The following NFATC2 variants were observed in gnomAD, a reference collection of about 807,000 sequenced individuals.
NFATC2 encodes nuclear factor of activated T-cells, cytoplasmic 2.
NFATC2 carries 22 observed loss-of-function variants against 87.3 expected under a neutral mutation model. The ratio of observed to expected loss-of-function variants is 0.25; its 90% CI spans 0.18 to 0.36. The LOEUF (loss-of-function observed/expected upper bound fraction) is 0.36, where lower values mean the gene tolerates loss of function less well. Among genes scored for constraint, NFATC2 ranks in the 10% least tolerant of loss-of-function variants. NFATC2 has a pLI of 1.00. For synonymous variants in NFATC2, 565 were observed against 542.2 expected, an observed-to-expected ratio of 1.04 and a Z score of -0.58; for missense variants, 1,149 against 1,259.1, an observed-to-expected ratio of 0.91 and a Z score of 1.32.
At chr20:51,497,720 G>T (rs566687759) in intron 3 of NFATC2, among the ~76,000 whole-genome samples, 2 of 152,190 alleles carry the variant, frequency 1.3e-5, no homozygotes, top group Admixed American at 6.5e-5. Flanking sequence ...GCCAGGGAGG[G>T]GGCGATTGAG....
rs750021940 is a variant in NFATC2, at chr20:51,523,281, G to C, written c.960C>G (p.Pro320=). The C allele has an allele frequency of 6.2e-7, 1 of 1,613,688 alleles. No homozygotes were observed. Among genetic ancestry groups the C allele is most frequent in the East Asian group, 2.2e-5 (1 of 44,860 alleles). Residue 320 remains proline, a synonymous_variant, in exon 2 of 11, where the codon CCC becomes CCG. Coordinates refer to ENST00000371564, the MANE Select transcript of NFATC2 (RefSeq NM_012340.5). The surrounding 1 kb of genome is among the most constrained non-coding windows in gnomAD (Gnocchi z 6.9). ...LATDSPCGIP[P]KMWKTSPDPS... ...GGTCAGGGCTGGTCTTCCACATCTT[G>C]GGGGGGATCCCACAAGGCGAGTCCG...
chr20:51,467,053 C>T (rs1290359478), intron 5 of NFATC2, among the ~76,000 whole-genome samples: 2 of 113,412 alleles, frequency 1.8e-5, no homozygotes, highest in Non-Finnish European at 3.4e-5. Context: ...GCCTGAGCAA[C>T]AAGAGCGAGA....
At chr20:51,495,276 C>G (rs961453758) in intron 3 of NFATC2, among the ~76,000 whole-genome samples, 1 of 152,132 alleles carries the variant, frequency 6.6e-6, no homozygotes, top group African/African-American at 2.4e-5. Flanking sequence ...TTTGTAGACA[C>G]GGGATTTCAC....
Position 51,524,202 on chromosome 20 carries a change from C to G in NFATC2, c.131-92G>C. On this transcript the variant is annotated intron_variant, in intron 1 of 10. Transcript: ENST00000371564. This position sits in a 1 kb window ranked among gnomAD's most constrained non-coding sequence, Gnocchi z 4.0. ...TCACAGGCTGGATTTCGTCTCACGT[C>G]GTTTATTTTTTTCAAATTCCCACCA... 1 of 1,218,680 alleles carries G rather than the reference C, an allele frequency of 8.2e-7. No individual in the cohort carries two copies. Among genetic ancestry groups the G allele is most frequent in the Non-Finnish European group, 1.1e-6 (1 of 934,802 alleles). 75.5% of individuals were successfully genotyped at this position (1,218,680 alleles called of 1,614,324 possible).
intron 6 of NFATC2, among the ~76,000 whole-genome samples, chr20:51,440,396 T>C (rs1049769430): frequency 1.3e-5 from 2 of 151,986 alleles, no homozygotes; most frequent in African/African-American, 2.4e-5. Flanking sequence ...AATCAGAAAA[T>C]AATAAACATT....
intron 5 of NFATC2, among the ~76,000 whole-genome samples, chr20:51,469,336 T>C (rs1202235853): frequency 6.6e-6 from 1 of 152,194 alleles, no homozygotes; most frequent in Non-Finnish European, 1.5e-5. Flanking sequence ...TATTTTTTAA[T>C]ACAACTCCCG....
intron 3 of NFATC2, among the ~76,000 whole-genome samples, chr20:51,477,199 G>A (rs948026985): frequency 2.0e-5 from 3 of 152,134 alleles, no homozygotes; most frequent in African/African-American, 4.8e-5. Context: ...AAAATAGTAA[G>A]GTAGAAGCCT....
At chr20:51,549,262 T>G (rs2076913557) in intron 1 of NFATC2, among the ~76,000 whole-genome samples, 1 of 151,390 alleles carries the variant, frequency 6.6e-6, no homozygotes, top group Non-Finnish European at 1.5e-5. Flanking sequence ...TTTTTGGTTT[T>G]TTTGTTTGTT....
chr20:51,426,306 T>C (rs565194453), intron 9 of NFATC2, among the ~76,000 whole-genome samples: 47 of 152,136 alleles, frequency 3.1e-4, no homozygotes, highest in African/African-American at 9.9e-4. Flanking sequence ...GGCGAAACCA[T>C]GTCTCTACTG....
chr20:51,438,031 G>A (rs1234035825), intron 6 of NFATC2, among the ~76,000 whole-genome samples: 1 of 152,222 alleles, frequency 6.6e-6, no homozygotes, highest in African/African-American at 2.4e-5. Context: ...AAGGAAGCAA[G>A]GGAAGATCGC....
chr20:51,405,631 C>T lies in NFATC2; in HGVS notation c.2723-6901G>A, dbSNP rs146555751. Among the ~76,000 whole-genome samples the T allele has an allele frequency of 6.7e-3, 1,021 of 152,266 alleles. 11 individuals carry two copies. Among genetic ancestry groups the T allele is most frequent in the African/African-American group, 0.023 (964 of 41,540 alleles). ...GAAACCCGTGACATTTTAACACCAA[C>T]CTCTCACTGGTTGGTAATACCCTCA... On this transcript the variant is annotated intron_variant, in intron 9 of 10. Transcript: ENST00000371564.
In NFATC2 at chr20:51,473,597, T is replaced by C. The variant is rs554700458; in HGVS notation, c.1708+383A>G. On this transcript the variant is annotated intron_variant, in intron 5 of 10. Transcript: ENST00000371564. ...TGAGAGCTGCTGTGGTTTGTTATTGTTATTGAAAGGATAAAGAAGGAAAAG... is the reference window on the plus strand; with the variant it reads ...TGAGAGCTGCTGTGGTTTGTTATTGCTATTGAAAGGATAAAGAAGGAAAAG... Among the ~76,000 whole-genome samples the C allele has an allele frequency of 8.5e-5, 13 of 152,286 alleles. No homozygotes were observed. In the South Asian group the frequency reaches 2.7e-3, roughly 32 times the overall value.
chr20:51,555,593 CAA>C (rs34198930), intron 1 of NFATC2, among the ~76,000 whole-genome samples: 4 of 140,592 alleles, frequency 2.8e-5, no homozygotes, highest in Non-Finnish European at 3.1e-5. Flanking sequence ...GACTCCATCT[CAA>C]AAAAAAAAAA....
intron 8 of NFATC2, among the ~76,000 whole-genome samples, chr20:51,433,758 CATGTGT>C (rs1342276040): frequency 7.9e-5 from 7 of 89,014 alleles, no homozygotes; most frequent in African/African-American, 2.7e-4. Flanking sequence ...TTCATGCATG[CATGTGT>C]GTGTGTGTGT....
upstream of NFATC2, chr20:51,562,812 G>A: frequency 7.2e-6 from 4 of 558,834 alleles, no homozygotes; most frequent in South Asian, 2.4e-5. The surrounding 1 kb of genome is among the most constrained non-coding windows in gnomAD (Gnocchi z 5.8). Context: ...GCGCGGCTCC[G>A]CGATCCGGCT....
chr20:51,556,613 A>C (rs1386631053), intron 1 of NFATC2, among the ~76,000 whole-genome samples: 1 of 152,220 alleles, frequency 6.6e-6, no homozygotes, highest in African/African-American at 2.4e-5. Flanking sequence ...GAGGAGATGG[A>C]AACTGGGCTG....
chr20:51,537,497 A>T (rs2076740130), intron 1 of NFATC2, among the ~76,000 whole-genome samples: 1 of 152,220 alleles, frequency 6.6e-6, no homozygotes, highest in Non-Finnish European at 1.5e-5. Flanking sequence ...GCTTTAGCTT[A>T]GCAGAAATTG....
intron 10 of NFATC2, among the ~76,000 whole-genome samples, chr20:51,396,094 A>G (rs1600644742): frequency 3.3e-5 from 4 of 121,018 alleles, no homozygotes; most frequent in South Asian, 2.7e-4. Context: ...ATATATATAT[A>G]AGCTAATGGC....
At chr20:51,425,818 C>T (rs116876718) in intron 9 of NFATC2, among the ~76,000 whole-genome samples, 13 of 152,322 alleles carry the variant, frequency 8.5e-5, no homozygotes, top group East Asian at 1.9e-4. Context: ...CCAGCTTCTG[C>T]GTAGAGCCTT....
Sources: allele counts gnomAD v4.1 joint callset (sites outside exome capture counted in the v4.1 genomes callset), GRCh38; gene constraint gnomAD v4.1.1; non-coding constraint Gnocchi (gnomAD v3.1); transcripts MANE v1.5; gene names NCBI Gene and HGNC (gene_info 2026-07-23, HGNC 2026-07-21).